The following TTC9C variants were observed in gnomAD, a reference collection of about 807,000 sequenced individuals.
TTC9C encodes tetratricopeptide repeat domain 9C, also known as tetratricopeptide repeat protein 9C.
TTC9C carries 15 observed loss-of-function variants against 22.5 expected under a neutral mutation model. That is an observed-to-expected ratio of 0.67 (90% confidence interval 0.45 to 1.03). The LOEUF (loss-of-function observed/expected upper bound fraction) is 1.03, where lower values mean the gene tolerates loss of function less well. Among genes scored for constraint, TTC9C ranks in the 50% least tolerant of loss-of-function variants. TTC9C has a pLI of 0.00. For missense variants in TTC9C, 244 were observed against 214.6 expected (o/e 1.14, Z -0.86); for synonymous variants, 92 against 86.8 (o/e 1.06, Z -0.33).
intron 2 of TTC9C, among the ~76,000 whole-genome samples, chr11:62,737,374 C>T (rs1012136744): frequency 6.6e-6 from 1 of 152,160 alleles, no homozygotes; most frequent in African/African-American, 2.4e-5. Context: ...AGAAAAAGGG[C>T]AGTCCTGCTG....
intron 2 of TTC9C, chr11:62,735,779 T>C (rs2083904528): frequency 3.9e-6 from 3 of 763,252 alleles, no homozygotes; most frequent in Admixed American, 3.5e-5. Context: ...ATTAGTTTCA[T>C]GTGTAGGGGG....
chr11:62,737,693 CTA>C (rs1686611132), intron 2 of TTC9C, among the ~76,000 whole-genome samples: 1 of 152,150 alleles, frequency 6.6e-6, no homozygotes, highest in Admixed American at 6.6e-5. Context: ...TTTAGAGGCT[CTA>C]TTTTAATGAT....
chr11:62,730,433 G>T (rs2083835202), intron 1 of TTC9C, among the ~76,000 whole-genome samples: 1 of 152,030 alleles, frequency 6.6e-6, no homozygotes. Flanking sequence ...ACAGATATCT[G>T]CCATCTTCAC....
intron 1 of TTC9C, among the ~76,000 whole-genome samples, chr11:62,731,829 C>T (rs1482756913): frequency 6.6e-6 from 1 of 151,242 alleles, no homozygotes; most frequent in Non-Finnish European, 1.5e-5. Flanking sequence ...CTACAGGCGC[C>T]CACCACCACG....
At chr11:62,738,205 TAAC>T (rs1301477635) in intron 2 of TTC9C, 80 bp from the exon 3 acceptor site, 2 of 804,058 alleles carry the variant, frequency 2.5e-6, no homozygotes, top group Admixed American at 4.6e-5. Flanking sequence ...GGGAGCATGT[TAAC>T]ATTCTCTCCT....
chr11:62,732,917 G>A (rs1029736665), intron 1 of TTC9C, among the ~76,000 whole-genome samples: 1 of 151,676 alleles, frequency 6.6e-6, no homozygotes, highest in Non-Finnish European at 1.5e-5. Flanking sequence ...GGGAGACTCT[G>A]TCTAAAAACA....
rs550057398 is a variant in TTC9C at position 62,736,576 on chromosome 11, C to T, written c.421+1012C>T. Among the ~76,000 whole-genome samples the T allele has an allele frequency of 3.3e-5, 5 of 151,782 alleles. No homozygotes were observed. The East Asian group carries it at 9.7e-4, about 30-fold the overall frequency. ...GGACGTGGTGGTGAGGGCCTGTAGT[C>T]CCAGGTACTCAGGAGGCTGAGGTAG... On this transcript the variant is annotated intron_variant, in intron 2 of 2. Transcript: ENST00000316461.
chr11:62,729,641 T>C (rs1055843012), intron 1 of TTC9C, among the ~76,000 whole-genome samples: 9 of 150,324 alleles, frequency 6.0e-5, no homozygotes, highest in African/African-American at 2.2e-4. Flanking sequence ...AGTGGCGTGA[T>C]TTCGGCTCAC....
intron 1 of TTC9C, among the ~76,000 whole-genome samples, chr11:62,730,279 T>G (rs886685511): frequency 6.6e-6 from 1 of 152,150 alleles, no homozygotes; most frequent in African/African-American, 2.4e-5. Flanking sequence ...TTTCACCATG[T>G]TAGCCAGGCT....
chr11:62,730,900 T>A (rs1028422187), intron 1 of TTC9C, among the ~76,000 whole-genome samples: 30 of 151,130 alleles, frequency 2.0e-4, no homozygotes, highest in African/African-American at 4.4e-4. Flanking sequence ...TATTTATTTT[T>A]TTTTTTGAGA....
chr11:62,729,216 A>C (rs1266485080), intron 1 of TTC9C, 130 bp downstream of exon 1: 6 of 783,658 alleles, frequency 7.7e-6, no homozygotes, highest in Non-Finnish European at 1.2e-5. Context: ...ATGAATTGGA[A>C]TAACCTGTCA....
chr11:62,729,649 C>T (rs1370371995), intron 1 of TTC9C, among the ~76,000 whole-genome samples: 1 of 149,012 alleles, frequency 6.7e-6, no homozygotes, highest in Non-Finnish European at 1.5e-5. Context: ...GATTTCGGCT[C>T]ACCGCAACCT....
intron 1 of TTC9C, among the ~76,000 whole-genome samples, chr11:62,734,680 A>G (rs2083890466): frequency 6.6e-6 from 1 of 152,146 alleles, no homozygotes; most frequent in African/African-American, 2.4e-5. Flanking sequence ...GGAGGGTCTC[A>G]CTATGTTGCC....
chr11:62,733,304 A>G, intron 1 of TTC9C: 1 of 501,732 alleles, frequency 2.0e-6, no homozygotes, highest in Non-Finnish European at 3.1e-6. Flanking sequence ...ACTTCATTCA[A>G]ATTTCATATT....
intron 1 of TTC9C, among the ~76,000 whole-genome samples, chr11:62,735,113 C>T (rs949927993): frequency 3.3e-5 from 5 of 152,056 alleles, no homozygotes; most frequent in Admixed American, 6.6e-5. Context: ...AGGCTGATCT[C>T]GAACTCCCGA....
intron 2 of TTC9C, among the ~76,000 whole-genome samples, chr11:62,737,024 C>A (rs574426534): frequency 2.0e-5 from 3 of 151,802 alleles, no homozygotes; most frequent in South Asian, 4.2e-4. Context: ...ATGATTAAAC[C>A]CCGTTTCTAG....
chr11:62,735,802 C>T (rs1333495984), intron 2 of TTC9C: 2 of 459,780 alleles, frequency 4.3e-6, no homozygotes, highest in Admixed American at 4.0e-5. Flanking sequence ...GATGCTTAAT[C>T]AGACATACAC....
At chr11:62,736,406 C>T (rs369177742) in intron 2 of TTC9C, among the ~76,000 whole-genome samples, 27 of 151,286 alleles carry the variant, frequency 1.8e-4, no homozygotes, top group African/African-American at 5.8e-4. Context: ...AAAAATCAGC[C>T]GGGTGTGGCC....
chr11:62,732,195 C>T (rs908648249), intron 1 of TTC9C, among the ~76,000 whole-genome samples: 1 of 151,662 alleles, frequency 6.6e-6, no homozygotes, highest in Non-Finnish European at 1.5e-5. Flanking sequence ...CGGGGTTTTA[C>T]CGTGTTAGCC....
Sources: gnomAD v4.1 joint callset for allele counts (sites outside exome capture counted in the v4.1 genomes callset) on GRCh38, gnomAD v4.1.1 for gene constraint, MANE v1.5 for transcripts, NCBI Gene and HGNC (gene_info 2026-07-23, HGNC 2026-07-21) for gene names.